ZNF420: variants seen among roughly 807,000 people sequenced by gnomAD.
The protein encoded by ZNF420 is zinc finger protein 420.
A neutral mutation model predicts 44.7 loss-of-function variants in ZNF420; 31 were observed. That is an observed-to-expected ratio of 0.69 (90% CI 0.52 to 0.94). The LOEUF is 0.94. Among genes scored for constraint, ZNF420 ranks in the 40% least tolerant of loss-of-function variants. ZNF420 has a pLI of 0.00. For missense variants in ZNF420, 681 were observed against 827.9 expected, an observed-to-expected ratio of 0.82 and a Z score of 2.18; for synonymous variants, 245 against 267.4, an observed-to-expected ratio of 0.92 and a Z score of 0.82.
At chr19:37,026,100 G>A (rs373180407) in intron 1 of ZNF420, among the ~76,000 whole-genome samples, 1,600 of 152,110 alleles carry the variant, frequency 0.011, 16 homozygotes, top group Non-Finnish European at 0.016. Context: ...GATGACCTGA[G>A]GTCGGGAGTT....
At chr19:37,078,042 C>T (rs1968206939), upstream of ZNF420, 1 of 152,756 alleles carries the variant, frequency 6.5e-6, no homozygotes, top group Admixed American at 6.5e-5. Context: ...ACAGGGTCCT[C>T]TGCAAATCCG....
chr19:37,055,548 C>G (rs543694994), intron 1 of ZNF420, among the ~76,000 whole-genome samples: 1 of 152,218 alleles, frequency 6.6e-6, no homozygotes, highest in African/African-American at 2.4e-5. Context: ...CCACGCAGAG[C>G]CGAAACCGTT....
rs377526219 is a variant in ZNF420, at chr19:37,101,232, C to T, written c.136+10111C>T. ...TTGCAGGCCGGAACCTGGTATCTCA[C>T]GCCTGTAATCCCAGCACTTTGGGAA... is the stretch of plus-strand genomic sequence containing the variant. On this transcript the variant is annotated intron_variant, in intron 4 of 4. Coordinates refer to ENST00000337995, the MANE Select transcript of ZNF420 (RefSeq NM_144689.5). Among the ~76,000 whole-genome samples the T allele has an allele frequency of 6.6e-5, 10 of 152,274 alleles. No individual in the cohort carries two copies. In the East Asian group the frequency reaches 1.4e-3, roughly 21 times the overall value.
intron 1 of ZNF420, among the ~76,000 whole-genome samples, chr19:37,056,621 A>G (rs532105879): frequency 6.6e-6 from 1 of 152,182 alleles, no homozygotes; most frequent in African/African-American, 2.4e-5. Flanking sequence ...TTTTCAGCTG[A>G]CACCACGCCT....
At chr19:37,073,242 G>A (rs935791348) in intron 1 of ZNF420, among the ~76,000 whole-genome samples, 35 of 152,068 alleles carry the variant, frequency 2.3e-4, no homozygotes, top group Non-Finnish European at 2.2e-4. Flanking sequence ...ATAATACTGC[G>A]TAAAATTTTA....
chr19:37,029,227 A>C (rs1967205495), intron 1 of ZNF420, among the ~76,000 whole-genome samples: 1 of 152,208 alleles, frequency 6.6e-6, no homozygotes, highest in African/African-American at 2.4e-5. Flanking sequence ...AGCCAGAGAC[A>C]CAAAATAAGA....
At chr19:37,122,851 G>C (rs981930888) in intron 4 of ZNF420, among the ~76,000 whole-genome samples, 6 of 151,996 alleles carry the variant, frequency 3.9e-5, no homozygotes, top group Admixed American at 6.6e-5. Flanking sequence ...ATGTTATTTC[G>C]TGATGACTTT....
At chr19:37,110,884 G>A (rs1365924466) in intron 4 of ZNF420, among the ~76,000 whole-genome samples, 1 of 152,094 alleles carries the variant, frequency 6.6e-6, no homozygotes, top group Non-Finnish European at 1.5e-5. Flanking sequence ...AAAAACTGGA[G>A]GATTTTTGTT....
chr19:37,008,697 A>G (rs552076151), intron 1 of ZNF420, among the ~76,000 whole-genome samples: 75 of 152,316 alleles, frequency 4.9e-4, no homozygotes, highest in African/African-American at 1.7e-3. Flanking sequence ...GCCTTTCTGG[A>G]CAAGTCACCC....
intron 1 of ZNF420, among the ~76,000 whole-genome samples, chr19:37,043,488 A>G (rs1967493873): frequency 6.6e-6 from 1 of 152,128 alleles, no homozygotes. Flanking sequence ...TGGCCCCTTT[A>G]TTCTTTCCTC....
chr19:37,110,206 G>C (rs1970313520), intron 4 of ZNF420, among the ~76,000 whole-genome samples: 2 of 152,186 alleles, frequency 1.3e-5, no homozygotes, highest in South Asian at 4.1e-4. Flanking sequence ...ACTGTTACAT[G>C]AACACATGAT....
chr19:37,036,467 C>G (rs369433786), intron 1 of ZNF420, among the ~76,000 whole-genome samples: 2 of 152,118 alleles, frequency 1.3e-5, no homozygotes, highest in African/African-American at 2.4e-5. Flanking sequence ...TCCTGCCCCC[C>G]GTTCATTCAG....
chr19:37,029,813 T>C (rs1967224494), intron 1 of ZNF420, among the ~76,000 whole-genome samples: 2 of 152,154 alleles, frequency 1.3e-5, no homozygotes, highest in Admixed American at 6.6e-5. Flanking sequence ...GGCCAATTTT[T>C]TTCTTTTTTT....
At chr19:37,048,069 C>G (rs1967572405) in intron 1 of ZNF420, among the ~76,000 whole-genome samples, 1 of 152,138 alleles carries the variant, frequency 6.6e-6, no homozygotes, top group South Asian at 2.1e-4. Context: ...TTTTTTAAAA[C>G]CTTTAGCTGC....
chr19:37,008,320 G>T (rs2074544203), intron 1 of ZNF420, among the ~76,000 whole-genome samples: 1 of 152,122 alleles, frequency 6.6e-6, no homozygotes. Flanking sequence ...CTGTGTGTGT[G>T]TCCGTGTGAG....
intron 1 of ZNF420, among the ~76,000 whole-genome samples, chr19:37,027,927 A>G (rs1967184656): frequency 6.6e-6 from 1 of 152,190 alleles, no homozygotes; most frequent in South Asian, 2.1e-4. Flanking sequence ...TTTTCAACTT[A>G]TTTGGGTATG....
chr19:37,012,012 C>T lies in ZNF420; in HGVS notation c.-125+3930C>T, dbSNP rs189258187. On this transcript the variant is annotated intron_variant, in intron 1 of 4. Coordinates refer to the ZNF420 transcript ENST00000587029. Reference sequence around the variant, plus strand: ...TGAGGCTCATGGATCTTTCTGTGCCCCAGCGAGGCCCTGCCCGCCTCACAG... The same window carrying T: ...TGAGGCTCATGGATCTTTCTGTGCCTCAGCGAGGCCCTGCCCGCCTCACAG... Among the ~76,000 whole-genome samples the T allele has an allele frequency of 3.9e-5, 6 of 152,324 alleles. No homozygotes were observed. In the East Asian group the frequency reaches 1.2e-3, roughly 29 times the overall value.
At chr19:37,014,571 G>A (rs2062120361) in intron 1 of ZNF420, among the ~76,000 whole-genome samples, 1 of 152,180 alleles carries the variant, frequency 6.6e-6, no homozygotes, top group South Asian at 2.1e-4. Context: ...GTCGCAAGCA[G>A]CCTCCTCCCC....
At chr19:37,032,342 C>G (rs1225420832) in intron 1 of ZNF420, among the ~76,000 whole-genome samples, 3 of 149,798 alleles carry the variant, frequency 2.0e-5, no homozygotes, top group African/African-American at 7.4e-5. Flanking sequence ...AAAAAAAAAC[C>G]CAAAAAACTA....
Sources: gnomAD v4.1 joint callset for allele counts (sites outside exome capture counted in the v4.1 genomes callset) on GRCh38, gnomAD v4.1.1 for gene constraint, MANE v1.5 for transcripts, NCBI Gene and HGNC (gene_info 2026-07-23, HGNC 2026-07-21) for gene names.